The following NEBL variants were observed in gnomAD, a reference collection of about 807,000 sequenced individuals.
NEBL encodes the protein LIM and SH3 protein 2.
Under a neutral mutation model 140.2 loss-of-function variants are expected in NEBL, and 122 were observed. The observed-to-expected ratio is 0.87, with a 90% CI of 0.75 to 1.01. The LOEUF (loss-of-function observed/expected upper bound fraction) is 1.01, where lower values mean the gene tolerates loss of function less well. Among genes scored for constraint, NEBL ranks in the 50% least tolerant of loss-of-function variants. NEBL has a pLI of 0.00. For synonymous variants in NEBL, 436 were observed against 398.9 expected (o/e 1.09, Z -1.11); for missense variants, 1,365 against 1,231.3 (o/e 1.11, Z -1.62).
At chr10:21,128,187 C>G (rs913479793) in intron 2 of NEBL, among the ~76,000 whole-genome samples, 2 of 152,072 alleles carry the variant, frequency 1.3e-5, no homozygotes, top group Non-Finnish European at 2.9e-5. Context: ...AAGAGCAACA[C>G]CAACCATCAC....
intron 1 of NEBL, among the ~76,000 whole-genome samples, chr10:21,255,282 T>C (rs575534772): frequency 6.6e-6 from 1 of 151,986 alleles, no homozygotes; most frequent in South Asian, 2.1e-4. Context: ...GTGTATATAT[T>C]AGTGATGGAG....
At chr10:21,286,661 T>C (rs7916491) in intron 1 of NEBL, among the ~76,000 whole-genome samples, 102,376 of 151,906 alleles carry the variant, frequency 0.67, 34,792 homozygotes, top group East Asian at 0.97. Context: ...TGAAACCCTG[T>C]CTCTATTAAA....
At chr10:21,292,513 G>C (rs1274679733) in intron 1 of NEBL, among the ~76,000 whole-genome samples, 1 of 152,162 alleles carries the variant, frequency 6.6e-6, no homozygotes, top group African/African-American at 2.4e-5. Context: ...GACTGAGAAA[G>C]TAACATTCGG....
intron 12 of NEBL, among the ~76,000 whole-genome samples, chr10:20,843,399 A>C (rs1282476804): frequency 6.6e-6 from 1 of 151,918 alleles, no homozygotes; most frequent in Non-Finnish European, 1.5e-5. Context: ...TCCTACCCTG[A>C]TGCATGTATT....
intron 3 of NEBL, among the ~76,000 whole-genome samples, chr10:21,247,345 C>G (rs1842530543): frequency 6.6e-6 from 1 of 152,180 alleles, no homozygotes; most frequent in Non-Finnish European, 1.5e-5. Flanking sequence ...GTGAAAGAAG[C>G]AGTCTCAAAA....
chr10:21,097,407 C>T (rs1032211191), intron 2 of NEBL, among the ~76,000 whole-genome samples: 25 of 151,670 alleles, frequency 1.6e-4, no homozygotes, highest in African/African-American at 5.1e-4. Flanking sequence ...TGCAGTGAGC[C>T]GAGATCACAC....
chr10:20,969,932 A>G (rs1367878893), intron 3 of NEBL, among the ~76,000 whole-genome samples: 1 of 152,196 alleles, frequency 6.6e-6, no homozygotes, highest in African/African-American at 2.4e-5. Context: ...GTTTAAAAAT[A>G]TAGCCTCAGA....
At chr10:21,066,916 G>A (rs2131892977) in intron 2 of NEBL, among the ~76,000 whole-genome samples, 1 of 149,984 alleles carries the variant, frequency 6.7e-6, no homozygotes, top group Non-Finnish European at 1.5e-5. Context: ...CCATCTCATA[G>A]AATACTTAGG....
chr10:20,967,717 G>C (rs1243198329), intron 3 of NEBL, among the ~76,000 whole-genome samples: 1 of 152,066 alleles, frequency 6.6e-6, no homozygotes, highest in African/African-American at 2.4e-5. Context: ...AGACCTGCTG[G>C]TGAAAAAATG....
At chr10:20,836,154 T>C (rs1840868587) in intron 13 of NEBL, among the ~76,000 whole-genome samples, 1 of 152,142 alleles carries the variant, frequency 6.6e-6, no homozygotes, top group Non-Finnish European at 1.5e-5. Context: ...TCCAACAGTA[T>C]GTGCTTACAT....
At chr10:20,941,967 T>C (rs1834893740) in intron 4 of NEBL, among the ~76,000 whole-genome samples, 1 of 152,168 alleles carries the variant, frequency 6.6e-6, no homozygotes, top group South Asian at 2.1e-4. Context: ...GAACATTCCA[T>C]GCTCATGGGT....
At chr10:21,075,811 A>G (rs1338556489) in intron 2 of NEBL, among the ~76,000 whole-genome samples, 1 of 152,226 alleles carries the variant, frequency 6.6e-6, no homozygotes, top group Non-Finnish European at 1.5e-5. Flanking sequence ...TATCCAGAAT[A>G]TAAAAAACTA....
chr10:20,848,528 T>C (rs1842173997), intron 11 of NEBL, among the ~76,000 whole-genome samples: 1 of 152,024 alleles, frequency 6.6e-6, no homozygotes, highest in Admixed American at 6.6e-5. Flanking sequence ...AAGCAGGAGG[T>C]GAGCAAGGGT....
At chr10:21,082,635 G>A (rs76839105) in intron 2 of NEBL, among the ~76,000 whole-genome samples, 1,925 of 150,660 alleles carry the variant, frequency 0.013, 41 homozygotes, top group African/African-American at 0.044. Flanking sequence ...ACCTAATTCC[G>A]ATGCCCATTT....
Position 21,228,475 on chromosome 10 carries a change from G to A in NEBL, n.348+19446C>T, listed in dbSNP as rs534925441. Among the ~76,000 whole-genome samples the A allele has an allele frequency of 1.8e-3, 281 of 152,234 alleles. 2 individuals are homozygous for A. Among genetic ancestry groups the A allele is most frequent in the African/African-American group, 6.4e-3 (267 of 41,540 alleles). On this transcript the variant is annotated intron_variant and non_coding_transcript_variant, in intron 3 of 8. Transcript: ENST00000675702. ...GGCCAATCCAAAGTTTTTAATGGGT[G>A]ATTTTTTTGAATTGGCCAGGGACAA...
chr10:20,957,811 TC>T (rs762780784), intron 4 of NEBL, among the ~76,000 whole-genome samples: 4 of 152,132 alleles, frequency 2.6e-5, no homozygotes, highest in Admixed American at 6.6e-5. Flanking sequence ...ATATTTCTCT[TC>T]CCCCTGAAAT....
intron 1 of NEBL, among the ~76,000 whole-genome samples, chr10:21,270,757 T>C (rs765138876): frequency 1.1e-4 from 16 of 152,220 alleles, no homozygotes; most frequent in Non-Finnish European, 1.8e-4. Flanking sequence ...CTCTTTTTTA[T>C]ACCTCATACT....
At chr10:21,116,423 A>T (rs956370756) in intron 2 of NEBL, among the ~76,000 whole-genome samples, 7 of 151,840 alleles carry the variant, frequency 4.6e-5, no homozygotes, top group Non-Finnish European at 1.0e-4. Context: ...TAAAGGCCCT[A>T]CTCTCATAAC....
At chr10:20,789,130 G>A (rs1212816562) in intron 26 of NEBL, among the ~76,000 whole-genome samples, 2 of 152,144 alleles carry the variant, frequency 1.3e-5, no homozygotes, top group Non-Finnish European at 2.9e-5. Flanking sequence ...AATGGCACTG[G>A]CTACTCACGG....
Sources: gnomAD v4.1 joint callset for allele counts (sites outside exome capture counted in the v4.1 genomes callset) on GRCh38, gnomAD v4.1.1 for gene constraint, MANE v1.5 for transcripts, NCBI Gene and HGNC (gene_info 2026-07-23, HGNC 2026-07-21) for gene names.